ZBTB10: variants seen among roughly 807,000 people sequenced by gnomAD.
ZBTB10 encodes zinc finger and BTB domain-containing protein 10.
ZBTB10 carries 32 observed loss-of-function variants against 76.4 expected under a neutral mutation model. The observed-to-expected ratio is 0.42, with a 90% CI of 0.32 to 0.56. The LOEUF is 0.56. Among genes scored for constraint, ZBTB10 ranks in the 20% least tolerant of loss-of-function variants. The pLI, the probability that ZBTB10 is intolerant of heterozygous loss-of-function variation, is 0.14. For missense variants in ZBTB10, 1,057 were observed against 1,098.5 expected, an observed-to-expected ratio of 0.96 and a Z score of 0.53; for synonymous variants, 523 against 432.9, an observed-to-expected ratio of 1.21 and a Z score of -2.58.
chr8:80,518,344 C>T, intron 3 of ZBTB10, 59 bp from the exon 4 acceptor site: 1 of 1,449,816 alleles, frequency 6.9e-7, no homozygotes, highest in Non-Finnish European at 9.2e-7. Context: ...TGTTTTCTGA[C>T]TCTGATGAGA....
chr8:80,486,433 G>A lies in ZBTB10; in HGVS notation c.-378G>A, dbSNP rs528613961. On this transcript the variant is annotated 5_prime_UTR_variant, in exon 1 of 6. Transcript: ENST00000455036. ...GTGTGTGCGCGCGCGGCTTTAAAGA[G>A]GGGGCAGCGGAGGGTCTCCCCGCAC... 3 of 984,922 alleles carry A rather than the reference G, an allele frequency of 3.0e-6. No individual in the cohort carries two copies. The highest frequency in any genetic ancestry group is 1.2e-4 in the Admixed American group (2 of 16,236). The allele number at this position is 984,922 out of a possible 1,614,324, so 61.0% of individuals were successfully genotyped here.
chr8:80,486,903 T>G lies in ZBTB10; in HGVS notation c.93T>G (p.Ala31=). ...ASGGGSTNNN[A]GGEASAWPPQ... The stretch of plus-strand genomic sequence containing the variant: ...GCGGCGGCTCCACGAACAATAACGC[T>G]GGCGGGGAGGCCTCAGCTTGGCCTC... The change falls in exon 1 of 6, where the codon GCT becomes GCG. Residue 31 remains alanine (A), a synonymous_variant. Coordinates refer to ENST00000455036, the MANE Select transcript of ZBTB10 (RefSeq NM_001105539.3). 6.6e-7 allele frequency: 1 copy of G among 1,510,622 alleles called. No individual in the cohort carries two copies. The allele number at this position is 1,510,622 out of a possible 1,614,324, so 93.6% of individuals were successfully genotyped here.
intron 1 of ZBTB10, among the ~76,000 whole-genome samples, chr8:80,498,339 T>C (rs549162166): frequency 6.6e-6 from 1 of 152,256 alleles, no homozygotes; most frequent in South Asian, 2.1e-4. Flanking sequence ...TATGTGTATA[T>C]ATTTTATTAT....
chr8:80,514,097 A>AGG, intron 3 of ZBTB10, 89 bp downstream of exon 3: 1 of 1,185,296 alleles, frequency 8.4e-7, no homozygotes, highest in Middle Eastern at 2.2e-4. Context: ...CTCTTCCATA[A>AGG]GGGGGTTCTA....
At chr8:80,514,575 G>A (rs272606) in intron 3 of ZBTB10, among the ~76,000 whole-genome samples, 67,923 of 152,188 alleles carry the variant, frequency 0.45, 19,622 homozygotes, top group African/African-American at 0.83. Flanking sequence ...ATAATTCAAA[G>A]TCATCAGTGG....
In ZBTB10 at chr8:80,487,212, C is replaced by T; in HGVS notation, c.402C>T (p.Gly134=). ...GAGGCGGCGGCGGCGGGGGTCTCGG[C>T]AACAATGGCAGTAGCCGCGGCCGCC... ...AFRGGGGGGL[G]NNGSSRGRPE... Residue 134 remains glycine (G), a synonymous_variant, in exon 1 of 6, where the codon GGC becomes GGT. Transcript: ENST00000455036. The T allele has an allele frequency of 1.3e-6, 2 of 1,545,120 alleles. No homozygotes were observed. The highest frequency in any genetic ancestry group is 2.5e-5 in the East Asian group (1 of 40,736).
At chr8:80,488,691 A>G (rs546445277) in intron 1 of ZBTB10, among the ~76,000 whole-genome samples, 9 of 152,332 alleles carry the variant, frequency 5.9e-5, no homozygotes, top group African/African-American at 2.2e-4. Flanking sequence ...AAAGATAGTA[A>G]GCCTTACTAT....
chr8:80,504,906 CAT>C (rs1277626887), intron 2 of ZBTB10, among the ~76,000 whole-genome samples: 1 of 152,160 alleles, frequency 6.6e-6, no homozygotes, highest in East Asian at 1.9e-4. Flanking sequence ...TGTATTCACA[CAT>C]GTTGTGTCCC....
intron 1 of ZBTB10, among the ~76,000 whole-genome samples, chr8:80,497,073 G>A (rs1815801248): frequency 6.6e-6 from 1 of 152,304 alleles, no homozygotes; most frequent in Admixed American, 6.5e-5. Context: ...GGGAAACCAA[G>A]TAAACAGAAT....
chr8:80,500,905 G>T (rs893183870), intron 2 of ZBTB10, among the ~76,000 whole-genome samples: 6 of 152,206 alleles, frequency 3.9e-5, no homozygotes, highest in East Asian at 3.9e-4. Flanking sequence ...ATTTTTTTGA[G>T]TCGGAGTCTC....
intron 2 of ZBTB10, among the ~76,000 whole-genome samples, chr8:80,506,561 CACCCCCCCCCCA>C (rs1340550928): frequency 8.1e-6 from 1 of 123,348 alleles, no homozygotes; most frequent in Non-Finnish European, 1.6e-5. Flanking sequence ...TCAGGTGATC[CACCCCCCCCCCA>C]ACCCCCGCCT....
At position 80,486,522 on chromosome 8, in the gene ZBTB10, C is replaced by A; in HGVS notation, c.-289C>A. On this transcript the variant is annotated 5_prime_UTR_variant, in exon 1 of 6. Coordinates refer to ENST00000455036, the MANE Select transcript of ZBTB10 (RefSeq NM_001105539.3). The stretch of plus-strand genomic sequence containing the variant: ...TCGCTCCTCACCTCTCCGCCGCCCG[C>A]CCCCTTCTCCGCGCGGGACGCTGCC... 1 of 985,824 alleles carries A rather than the reference C, an allele frequency of 1.0e-6. No homozygotes were observed. The highest frequency in any genetic ancestry group is 1.7e-5 in the African/African-American group (1 of 57,358). The allele number at this position is 985,824 out of a possible 1,614,324, so 61.1% of individuals were successfully genotyped here.
At chr8:80,500,509 G>A in intron 2 of ZBTB10, 127 bp downstream of exon 2, 2 of 975,868 alleles carry the variant, frequency 2.0e-6, no homozygotes, top group Admixed American at 3.3e-5. Flanking sequence ...ACAAAAGAAG[G>A]GGGAACGTCA....
At chr8:80,487,810 T>G in intron 1 of ZBTB10, 28 bp downstream of exon 1, 1 of 1,522,898 alleles carries the variant, frequency 6.6e-7, no homozygotes, top group East Asian at 2.3e-5. Flanking sequence ...CCTACTTTTT[T>G]GAGATCTTTT....
intron 2 of ZBTB10, among the ~76,000 whole-genome samples, chr8:80,511,221 G>T (rs1248366486): frequency 2.6e-5 from 4 of 152,168 alleles, no homozygotes; most frequent in South Asian, 2.1e-4. Context: ...TGGCTGAGGA[G>T]GTCTATACTT....
At position 80,519,611 on chromosome 8, in the gene ZBTB10, A is replaced by G; in HGVS notation, c.*83A>G. 1 of 1,381,562 alleles carries G rather than the reference A, an allele frequency of 7.2e-7. No individual in the cohort carries two copies. Among genetic ancestry groups the G allele is most frequent in the Non-Finnish European group, 9.8e-7 (1 of 1,021,370 alleles). The allele number at this position is 1,381,562 out of a possible 1,614,324, so 85.6% of individuals were successfully genotyped here. A position where few individuals can be genotyped will look rare whatever the true frequency, so the allele number is the denominator to read the frequency against. On this transcript the variant is annotated 3_prime_UTR_variant, in exon 6 of 6. Transcript: ENST00000455036. Reference sequence around the variant, plus strand: ...TGGATTGTTGAACTTGAAGGCTTGCAAAATATGGTACATGCTGGATAGTAG... The same window carrying G: ...TGGATTGTTGAACTTGAAGGCTTGCGAAATATGGTACATGCTGGATAGTAG...
intron 2 of ZBTB10, among the ~76,000 whole-genome samples, chr8:80,501,460 A>G (rs1815922451): frequency 1.3e-5 from 2 of 152,330 alleles, no homozygotes; most frequent in South Asian, 2.1e-4. Flanking sequence ...CACCACTGTC[A>G]TACATTATTT....
In ZBTB10 at chr8:80,499,733, C is replaced by G. The variant is rs1417608458; in HGVS notation, c.1212C>G (p.Asn404Lys). Residue 404 changes from asparagine to lysine, a missense_variant, in exon 2 of 6, where the codon AAC becomes AAG. Transcript: ENST00000455036. The stretch of plus-strand genomic sequence containing the variant: ...CAAACAAAGAAAGCCCTAACCAAAA[C>G]AATACTACCCACTTAGATATTGCTG... ...CFSNKESPNQ[N>K]NTTHLDIAAV... The G allele has an allele frequency of 1.2e-6, 2 of 1,613,970 alleles. No individual in the cohort carries two copies. Among genetic ancestry groups the G allele is most frequent in the Non-Finnish European group, 8.5e-7 (1 of 1,179,868 alleles).
intron 3 of ZBTB10, among the ~76,000 whole-genome samples, chr8:80,515,256 G>A (rs1281353090): frequency 6.6e-6 from 1 of 152,150 alleles, no homozygotes; most frequent in African/African-American, 2.4e-5. Context: ...GACAAAACTA[G>A]TATTTGTTGA....
Sources: gnomAD v4.1 joint callset for allele counts (sites outside exome capture counted in the v4.1 genomes callset) on GRCh38, gnomAD v4.1.1 for gene constraint, MANE v1.5 for transcripts, NCBI Gene and HGNC (gene_info 2026-07-23, HGNC 2026-07-21) for gene names.